The following SOWAHB variants were observed in gnomAD, a reference collection of about 807,000 sequenced individuals.
SOWAHB encodes ankyrin repeat domain-containing protein SOWAHB.
SOWAHB carries 17 observed loss-of-function variants against 18.3 expected under a neutral mutation model. The ratio of observed to expected loss-of-function variants is 0.93; its 90% CI spans 0.64 to 1.40. The LOEUF (loss-of-function observed/expected upper bound fraction) is 1.40. Ranked by LOEUF, SOWAHB falls within the 40% of genes most tolerant of loss-of-function variation. The pLI is 0.00. For missense variants in SOWAHB, 1,126 were observed against 1,033.7 expected, an observed-to-expected ratio of 1.09 and a Z score of -1.22; for synonymous variants, 496 against 448.1, an observed-to-expected ratio of 1.11 and a Z score of -1.35.
In SOWAHB at chr4:76,897,315, C is replaced by T; in HGVS notation, c.535G>A (p.Ala179Thr). The T allele has an allele frequency of 6.5e-7, 1 of 1,539,672 alleles. No individual in the cohort carries two copies. Among genetic ancestry groups the T allele is most frequent in the East Asian group, 2.4e-5 (1 of 41,194 alleles). Reference protein sequence around the residue: ...QRPPVPAAAAAGAQARASCAA... With the variant: ...QRPPVPAAAATGAQARASCAA... ...CAGCTCGCTCTCGCCTGGGCCCCTG[C>T]CGCTGCAGCTGCGGGCACCGGCGGC... Residue 179 changes from alanine to threonine, a missense_variant, in exon 1 of 1, where the codon GCA (alanine) becomes ACA (threonine). Ala to Thr is a moderately conservative substitution (Grantham distance 58, BLOSUM62 0). Coordinates refer to ENST00000334306, the MANE Select transcript of SOWAHB (RefSeq NM_001029870.3). The surrounding 1 kb of genome is among the most constrained non-coding windows in gnomAD (Gnocchi z 6.4).
Position 76,896,040 on chromosome 4 carries a change from G to C in SOWAHB, c.1810C>G (p.Leu604Val). 6.2e-7 allele frequency: 1 copy of C among 1,610,852 alleles called. No individual in the cohort carries two copies. The highest frequency in any genetic ancestry group is 8.5e-7 in the Non-Finnish European group (1 of 1,178,686). The change falls in exon 1 of 1, where the codon CTT becomes GTT. Residue 604 changes from leucine to valine, a missense_variant. Transcript: ENST00000334306. Reference protein sequence around the residue: ...DAREHEWIVKLASGSWIQVWT... With the variant: ...DAREHEWIVKVASGSWIQVWT... The stretch of plus-strand genomic sequence containing the variant: ...ACCTGAATCCAGGAGCCACTGGCAA[G>C]CTTCACAATCCACTCATGCTCCCTG...
rs562575702 is a variant in SOWAHB at position 76,898,035 on chromosome 4, C to T, written c.-186G>A. ...CGCCAGGAGGGCCGTGGGTCCCCTC[C>T]GGGTGGCCCCAAGGCTGAGTCCCCG... On this transcript the variant is annotated 5_prime_UTR_variant, in exon 1 of 1. Transcript: ENST00000334306. 8.2e-3 allele frequency: 5,071 copies of T among 615,082 alleles called. 37 individuals are homozygous for T. The highest frequency in any genetic ancestry group is 1.0e-2 in the Non-Finnish European group (3,612 of 362,022). 38.1% of individuals were successfully genotyped at this position (615,082 alleles called of 1,614,324 possible). A position where few individuals can be genotyped will look rare whatever the true frequency, so the allele number is the denominator to read the frequency against.
chr4:76,897,854 G>A lies in SOWAHB; in HGVS notation c.-5C>T, dbSNP rs1370232992. On this transcript the variant is annotated 5_prime_UTR_variant, in exon 1 of 1. An upstream open reading frame in the 5' UTR gains an earlier in-frame stop. Coordinates refer to ENST00000334306, the MANE Select transcript of SOWAHB (RefSeq NM_001029870.3). The surrounding 1 kb of genome is among the most constrained non-coding windows in gnomAD (Gnocchi z 6.4). The stretch of plus-strand genomic sequence containing the variant: ...CTGGCTCAGCTCTCGGGCCATCGCT[G>A]CCTTGTCCTCCGCCCCAGAGGTGTC... 3 of 1,593,900 alleles carry A rather than the reference G, an allele frequency of 1.9e-6. No individual in the cohort carries two copies. The highest frequency in any genetic ancestry group is 2.2e-5 in the East Asian group (1 of 44,634).
chr4:76,898,026 G>A lies in SOWAHB; in HGVS notation c.-177C>T. The A allele has an allele frequency of 1.5e-6, 1 of 659,568 alleles. No homozygotes were observed. Among genetic ancestry groups the A allele is most frequent in the Non-Finnish European group, 2.5e-6 (1 of 399,958 alleles). The allele number at this position is 659,568 out of a possible 1,614,324, so 40.9% of individuals were successfully genotyped here. A position where few individuals can be genotyped will look rare whatever the true frequency, so the allele number is the denominator to read the frequency against. ...CCGTGAGCGCGCCAGGAGGGCCGTGGGTCCCCTCCGGGTGGCCCCAAGGCT... is the reference window on the plus strand; with the variant it reads ...CCGTGAGCGCGCCAGGAGGGCCGTGAGTCCCCTCCGGGTGGCCCCAAGGCT... On this transcript the variant is annotated 5_prime_UTR_variant, in exon 1 of 1. Coordinates refer to ENST00000334306, the MANE Select transcript of SOWAHB (RefSeq NM_001029870.3).
chr4:76,896,737 T>G lies in SOWAHB; in HGVS notation c.1113A>C (p.Glu371Asp). The change falls in exon 1 of 1, where the codon GAA (glutamate) becomes GAC (aspartate). Residue 371 changes from glutamate to aspartate, a missense_variant. Glu to Asp is a conservative substitution (Grantham distance 45). Transcript: ENST00000334306. ...TCAATGAAGGGTTCCCCGCCCAGGA[T>G]TCCCAGGACTCATCCGGAACAACAG... is the stretch of plus-strand genomic sequence containing the variant. ...LFPVVPDESWESWAGNPSLTV... is the reference protein window; with the variant it reads ...LFPVVPDESWDSWAGNPSLTV... The G allele has an allele frequency of 1.9e-6, 3 of 1,613,844 alleles. No individual in the cohort carries two copies. Among genetic ancestry groups the G allele is most frequent in the Non-Finnish European group, 2.5e-6 (3 of 1,179,996 alleles).
At position 76,897,210 on chromosome 4, in the gene SOWAHB, C is replaced by G; in HGVS notation, c.640G>C (p.Ala214Pro). 6.3e-7 allele frequency: 1 copy of G among 1,582,564 alleles called. No individual in the cohort carries two copies. Among genetic ancestry groups the G allele is most frequent in the Non-Finnish European group, 8.5e-7 (1 of 1,172,740 alleles). Reference sequence around the variant, plus strand: ...TCCGCGGTGGCCGAGTGCGGGAGTGCGCCGAGCTCTCCCGGCAGTACAGCC... The same window carrying G: ...TCCGCGGTGGCCGAGTGCGGGAGTGGGCCGAGCTCTCCCGGCAGTACAGCC... ...NLAVLPGELGALPHSATAEEK... is the reference protein window; with the variant it reads ...NLAVLPGELGPLPHSATAEEK... The change falls in exon 1 of 1, where the codon GCA becomes CCA. Residue 214 changes from alanine (A) to proline (P), a missense_variant. Ala to Pro is a conservative substitution (Grantham distance 27, BLOSUM62 -1). Coordinates refer to ENST00000334306, the MANE Select transcript of SOWAHB (RefSeq NM_001029870.3). This position sits in a 1 kb window ranked among gnomAD's most constrained non-coding sequence, Gnocchi z 6.4.
chr4:76,896,142 G>A lies in SOWAHB; in HGVS notation c.1708C>T (p.Pro570Ser). 6.4e-7 allele frequency: 1 copy of A among 1,564,526 alleles called. No individual in the cohort carries two copies. The highest frequency in any genetic ancestry group is 2.2e-5 in the East Asian group (1 of 44,470). The change falls in exon 1 of 1, where the codon CCC (proline) becomes TCC (serine). Residue 570 changes from proline to serine, a missense_variant. Physicochemically the swap from Pro to Ser is moderately conservative, Grantham distance 74 (BLOSUM62 -1). Coordinates refer to ENST00000334306, the MANE Select transcript of SOWAHB (RefSeq NM_001029870.3). ...AAGGCTGCAGACCCCTCCCCACTGG[G>A]GACCCACAGGCTGTGTCGCCAACCC... is the stretch of plus-strand genomic sequence containing the variant. ...ERGWRHSLWV[P>S]SGEGSAALAP... is the part of the protein sequence containing the mutation.
rs1167783927 is a variant in SOWAHB, at chr4:76,894,807, T to C, written c.*661A>G. 2 of 152,164 alleles carry C rather than the reference T, an allele frequency of 1.3e-5. No homozygotes were observed. The highest frequency in any genetic ancestry group is 4.8e-5 in the African/African-American group (2 of 41,430). 9.4% of individuals were successfully genotyped at this position (152,164 alleles called of 1,614,324 possible). ...CATAACTGGATCTTACCCAGCTGCT[T>C]CTCTGATCAGTGAGAAGACCCAAAG... On this transcript the variant is annotated 3_prime_UTR_variant, in exon 1 of 1. Transcript: ENST00000334306.
In SOWAHB at chr4:76,896,088, A is replaced by T. The variant is rs1420712401; in HGVS notation, c.1762T>A (p.Ser588Thr). 6.3e-7 allele frequency: 1 copy of T among 1,588,962 alleles called. No homozygotes were observed. The highest frequency in any genetic ancestry group is 2.2e-5 in the East Asian group (1 of 44,674). ...CTGGCATCTAGTGGAACCAGGGATG[A>T]TTTGTGCTCAGAAGTTCTGTGGGGG... is the stretch of plus-strand genomic sequence containing the variant. ...LAPHRTSEHK[S>T]SLVPLDAREH... is the part of the protein sequence containing the mutation. Residue 588 changes from serine to threonine, a missense_variant, in exon 1 of 1, where the codon TCA (serine) becomes ACA (threonine). By Grantham distance (58) the Ser-to-Thr change is moderately conservative. Transcript: ENST00000334306.
chr4:76,895,289 A>T lies in SOWAHB; in HGVS notation c.*179T>A, dbSNP rs1719883065. 1.7e-6 allele frequency: 1 copy of T among 600,898 alleles called. No homozygotes were observed. The highest frequency in any genetic ancestry group is 1.9e-5 in the African/African-American group (1 of 53,640). 37.2% of individuals were successfully genotyped at this position (600,898 alleles called of 1,614,324 possible). A position where few individuals can be genotyped will look rare whatever the true frequency, so the allele number is the denominator to read the frequency against. On this transcript the variant is annotated 3_prime_UTR_variant, in exon 1 of 1. Coordinates refer to ENST00000334306, the MANE Select transcript of SOWAHB (RefSeq NM_001029870.3). Reference sequence around the variant, plus strand: ...CTCCAGTCAAGGAGTTCAGCTTTCAAAAAGCTTGGATGACCCTCTTGAGGT... The same window carrying T: ...CTCCAGTCAAGGAGTTCAGCTTTCATAAAGCTTGGATGACCCTCTTGAGGT...
chr4:76,896,669 A>G lies in SOWAHB; in HGVS notation c.1181T>C (p.Leu394Pro). ...SIRCQLSLQD[L>P]DDFVDQESDG... ...ACTCTCCTGGTCCACAAAGTCATCC[A>G]GATCTTGGAGGGACAGCTGACAACG... Residue 394 changes from leucine (L) to proline (P), a missense_variant, in exon 1 of 1, where the codon CTG (leucine) becomes CCG (proline). Coordinates refer to ENST00000334306, the MANE Select transcript of SOWAHB (RefSeq NM_001029870.3). The G allele has an allele frequency of 6.2e-7, 1 of 1,614,054 alleles. No individual in the cohort carries two copies. The highest frequency in any genetic ancestry group is 8.5e-7 in the Non-Finnish European group (1 of 1,180,028).
Position 76,897,579 on chromosome 4 carries a change from C to A in SOWAHB, c.271G>T (p.Glu91Ter). 1 of 1,602,028 alleles carries A rather than the reference C, an allele frequency of 6.2e-7. No individual in the cohort carries two copies. Among genetic ancestry groups the A allele is most frequent in the African/African-American group, 1.3e-5 (1 of 74,642 alleles). The change falls in exon 1 of 1, where the codon GAG becomes TAG. Residue 91 changes from glutamate to a stop codon, truncating the protein, a stop_gained. Coordinates refer to ENST00000334306, the MANE Select transcript of SOWAHB (RefSeq NM_001029870.3). LOFTEE classifies it low-confidence loss of function (END_TRUNC). This position sits in a 1 kb window ranked among gnomAD's most constrained non-coding sequence, Gnocchi z 6.4. Reference sequence around the variant, plus strand: ...GCACTGGGGGCGGCCGCGGGCGGCTCGCGGGGTCGCTGCAGCCCCTCCTCC... The same window carrying A: ...GCACTGGGGGCGGCCGCGGGCGGCTAGCGGGGTCGCTGCAGCCCCTCCTCC... ...LGEEGLQRPREPPAAAPSAGG... is the reference protein window; with the variant it reads ...LGEEGLQRPR
Position 76,897,362 on chromosome 4 carries a change from G to A in SOWAHB, c.488C>T (p.Ser163Leu). The A allele has an allele frequency of 6.5e-7, 1 of 1,530,886 alleles. No individual in the cohort carries two copies. The highest frequency in any genetic ancestry group is 1.2e-5 in the South Asian group (1 of 83,658). The allele number at this position is 1,530,886 out of a possible 1,614,324, so 94.8% of individuals were successfully genotyped here. ...CGGCCTCTGTCCGGGACTGCCCTTCGATCCGCCGCCCTTCCCGGGCGCCCT... is the reference window on the plus strand; with the variant it reads ...CGGCCTCTGTCCGGGACTGCCCTTCAATCCGCCGCCCTTCCCGGGCGCCCT... ...SRRAPGKGGGSKGSPGQRPPV... is the reference protein window; with the variant it reads ...SRRAPGKGGGLKGSPGQRPPV... The change falls in exon 1 of 1, where the codon TCG (serine) becomes TTG (leucine). Residue 163 changes from serine to leucine, a missense_variant. By Grantham distance (145) the Ser-to-Leu change is moderately radical. Coordinates refer to ENST00000334306, the MANE Select transcript of SOWAHB (RefSeq NM_001029870.3). This position sits in a 1 kb window ranked among gnomAD's most constrained non-coding sequence, Gnocchi z 6.4.
rs764441032 is a variant in SOWAHB at position 76,896,056 on chromosome 4, A to C, written c.1794T>G (p.His598Gln). The change falls in exon 1 of 1, where the codon CAT (histidine) becomes CAG (glutamine). Residue 598 changes from histidine (H) to glutamine (Q), a missense_variant. Coordinates refer to ENST00000334306, the MANE Select transcript of SOWAHB (RefSeq NM_001029870.3). ...CACTGGCAAGCTTCACAATCCACTC[A>C]TGCTCCCTGGCATCTAGTGGAACCA... ...SSLVPLDARE[H>Q]EWIVKLASGS... is the part of the protein sequence containing the mutation. 6.8e-6 allele frequency: 11 copies of C among 1,606,338 alleles called. No individual in the cohort carries two copies. Among genetic ancestry groups the C allele is most frequent in the Non-Finnish European group, 9.3e-6 (11 of 1,176,532 alleles).
Position 76,897,054 on chromosome 4 carries a change from C to A in SOWAHB, c.796G>T (p.Ala266Ser). Residue 266 changes from alanine (A) to serine (S), a missense_variant, in exon 1 of 1, where the codon GCG (alanine) becomes TCG (serine). Ala to Ser is a moderately conservative substitution (Grantham distance 99). Transcript: ENST00000334306. This position sits in a 1 kb window ranked among gnomAD's most constrained non-coding sequence, Gnocchi z 6.4. ...GCAGGCGGGGAAGCCCTGCTTGTCG[C>A]AGCCTCGACGGTGGCGGGAGGCGAG... is the stretch of plus-strand genomic sequence containing the variant. ...AHSPPATVEA[A>S]TSRASPPALL... The A allele has an allele frequency of 6.5e-7, 1 of 1,541,280 alleles. No homozygotes were observed. The highest frequency in any genetic ancestry group is 1.4e-5 in the African/African-American group (1 of 73,522).
At position 76,895,362 on chromosome 4, in the gene SOWAHB, C is replaced by T. The variant is rs888997715; in HGVS notation, c.*106G>A. Reference sequence around the variant, plus strand: ...CCAGGGAGGTCAACACCATCTCACTCGACCATCCTCTTTACCAACTCTCAG... The same window carrying T: ...CCAGGGAGGTCAACACCATCTCACTTGACCATCCTCTTTACCAACTCTCAG... On this transcript the variant is annotated 3_prime_UTR_variant, in exon 1 of 1. Coordinates refer to ENST00000334306, the MANE Select transcript of SOWAHB (RefSeq NM_001029870.3). The T allele has an allele frequency of 3.6e-5, 41 of 1,139,234 alleles. No homozygotes were observed. The highest frequency in any genetic ancestry group is 4.7e-5 in the Non-Finnish European group (38 of 801,876). 70.6% of individuals were successfully genotyped at this position (1,139,234 alleles called of 1,614,324 possible). A position where few individuals can be genotyped will look rare whatever the true frequency, so the allele number is the denominator to read the frequency against.
In SOWAHB at chr4:76,896,496, TG is replaced by T; in HGVS notation, c.1353del (p.Ser452AlafsTer31). On this transcript the variant is annotated frameshift_variant, in exon 1 of 1. Transcript: ENST00000334306. LOFTEE classifies it low-confidence loss of function (END_TRUNC). ...GLSVSRKEGS[P>X]SRSPQGLRNR... Reference sequence around the variant, plus strand: ...TTTCTGAGACCCTGAGGGCTCCGGCTGGGGCTGCCCTCCTTCCGAGATACAG... The same window carrying T: ...TTTCTGAGACCCTGAGGGCTCCGGCTGGGCTGCCCTCCTTCCGAGATACAG... 1 of 1,612,970 alleles carries T rather than the reference TG, an allele frequency of 6.2e-7. No homozygotes were observed. The highest frequency in any genetic ancestry group is 1.7e-5 in the Admixed American group (1 of 60,000).
Position 76,895,976 on chromosome 4 carries a change from T to G in SOWAHB, c.1874A>C (p.His625Pro). 1 of 1,614,068 alleles carries G rather than the reference T, an allele frequency of 6.2e-7. No homozygotes were observed. Residue 625 changes from histidine (H) to proline (P), a missense_variant, in exon 1 of 1, where the codon CAC (histidine) becomes CCC (proline). By Grantham distance (77) the His-to-Pro change is moderately conservative. Coordinates refer to ENST00000334306, the MANE Select transcript of SOWAHB (RefSeq NM_001029870.3). The part of the protein sequence containing the change: ...LFWEDPQLAL[H>P]KDFLTGYTAL... Reference sequence around the variant, plus strand: ...AGTGTACCCAGTCAAAAAGTCTTTGTGCAAGGCCAGTTGAGGGTCCTCCCA... The same window carrying G: ...AGTGTACCCAGTCAAAAAGTCTTTGGGCAAGGCCAGTTGAGGGTCCTCCCA...
Position 76,895,648 on chromosome 4 carries a change from G to A in SOWAHB, c.2202C>T (p.Val734=), listed in dbSNP as rs201013574. 6.2e-7 allele frequency: 1 copy of A among 1,614,240 alleles called. No homozygotes were observed. Among genetic ancestry groups the A allele is most frequent in the Non-Finnish European group, 8.5e-7 (1 of 1,180,046 alleles). Residue 734 remains valine (V), a synonymous_variant, in exon 1 of 1, where the codon GTC becomes GTT. Coordinates refer to ENST00000334306, the MANE Select transcript of SOWAHB (RefSeq NM_001029870.3). The part of the protein sequence containing the change: ...GAPRGKPIFP[V]YPLVGSSSPT... The stretch of plus-strand genomic sequence containing the variant: ...GGGAAGAACTTCCAACTAAGGGATA[G>A]ACAGGGAAAATGGGCTTGCCCCGAG...
Sources: gnomAD v4.1 joint callset for allele counts on GRCh38, gnomAD v4.1.1 for gene constraint, Gnocchi (gnomAD v3.1) non-coding constraint, MANE v1.5 for transcripts, NCBI Gene and HGNC (gene_info 2026-07-23, HGNC 2026-07-21) for gene names.